Variants in TMEM266 observed in about 807,000 individuals in gnomAD.
TMEM266 encodes the protein Hv1 related protein 1.
In TMEM266, 33 loss-of-function variants were observed where a neutral mutation model predicts 50.5. The observed-to-expected ratio is 0.65, with a 90% CI of 0.50 to 0.87. The LOEUF is 0.87. Among genes scored for constraint, TMEM266 ranks in the 40% least tolerant of loss-of-function variants. TMEM266 has a pLI of 0.00. For missense variants in TMEM266, 655 were observed against 695.1 expected, an observed-to-expected ratio of 0.94 and a Z score of 0.65; for synonymous variants, 310 against 292.3, an observed-to-expected ratio of 1.06 and a Z score of -0.62.
chr15:76,106,009 A>C (rs2037073910), intron 1 of TMEM266, among the ~76,000 whole-genome samples: 1 of 152,164 alleles, frequency 6.6e-6, no homozygotes, highest in African/African-American at 2.4e-5. Context: ...TTCATGCTAA[A>C]CTGCCACCCT....
chr15:76,106,289 A>T (rs2037078905), intron 1 of TMEM266, among the ~76,000 whole-genome samples: 1 of 152,212 alleles, frequency 6.6e-6, no homozygotes, highest in Non-Finnish European at 1.5e-5. Flanking sequence ...TACCCGTGTC[A>T]TATTCACAAC....
rs776253667 is a variant in TMEM266 at position 76,203,977 on chromosome 15, T to G, written c.1258T>G (p.Ser420Ala). 3.7e-6 allele frequency: 6 copies of G among 1,610,124 alleles called. No individual in the cohort carries two copies. Residue 420 changes from serine to alanine, a missense_variant, in exon 11 of 11, where the codon TCT becomes GCT. Physicochemically the swap from Ser to Ala is moderately conservative, Grantham distance 99 (BLOSUM62 1). Coordinates refer to ENST00000388942, the MANE Select transcript of TMEM266 (RefSeq NM_152335.3). ...CAGCACTGCCCGCGAGGAGCCGTCCTCTGAGCCCGGCCCTTCTCCCCCGCC... is the reference window on the plus strand; with the variant it reads ...CAGCACTGCCCGCGAGGAGCCGTCCGCTGAGCCCGGCCCTTCTCCCCCGCC...
chr15:76,063,753 T>A (rs2036355173), intron 1 of TMEM266, among the ~76,000 whole-genome samples: 1 of 152,238 alleles, frequency 6.6e-6, no homozygotes. Flanking sequence ...GAAAAAAGAA[T>A]CAACAAATCA....
rs558121613 is a variant in TMEM266 at position 76,134,166 on chromosome 15, AG to A, written c.-95del. ...GTAATAAGTTCCTATTTTTGTTTTC[AG>A]GGCACTATATTTGTATGTGTCTTGT... is the stretch of plus-strand genomic sequence containing the variant. On this transcript the variant is annotated splice_acceptor_variant, in intron 1 of 10. Coordinates refer to ENST00000388942, the MANE Select transcript of TMEM266 (RefSeq NM_152335.3). LOFTEE classifies it low-confidence loss of function (5UTR_SPLICE). The A allele has an allele frequency of 6.9e-4, 935 of 1,356,126 alleles. 8 individuals are homozygous for A. In the African/African-American group the frequency reaches 0.012, roughly 18 times the overall value. The allele number at this position is 1,356,126 out of a possible 1,614,324, so 84.0% of individuals were successfully genotyped here.
chr15:76,121,332 A>G (rs928797513), intron 1 of TMEM266, among the ~76,000 whole-genome samples: 3 of 152,218 alleles, frequency 2.0e-5, no homozygotes, highest in African/African-American at 7.2e-5. Flanking sequence ...ATAATGTATC[A>G]GTGCTCTATT....
chr15:76,098,473 T>C (rs533759645), intron 1 of TMEM266, among the ~76,000 whole-genome samples: 29 of 152,218 alleles, frequency 1.9e-4, no homozygotes, highest in African/African-American at 7.0e-4. Context: ...GAGGGGCACC[T>C]GCCAGATGCC....
chr15:76,060,723 C>G (rs1022119014), intron 1 of TMEM266, among the ~76,000 whole-genome samples: 4 of 152,198 alleles, frequency 2.6e-5, no homozygotes, highest in African/African-American at 9.6e-5. Flanking sequence ...GACTTGCATA[C>G]TCAAACTCAT....
chr15:76,155,253 G>A (rs1469953601), intron 3 of TMEM266, among the ~76,000 whole-genome samples: 3 of 152,176 alleles, frequency 2.0e-5, no homozygotes, highest in Non-Finnish European at 2.9e-5. Context: ...CCTCAGCAAG[G>A]GAGGCAGGCA....
At chr15:76,140,905 C>T (rs552060672) in intron 3 of TMEM266, among the ~76,000 whole-genome samples, 24 of 151,630 alleles carry the variant, frequency 1.6e-4, no homozygotes, top group Non-Finnish European at 2.8e-4. Flanking sequence ...GGCATGGTGG[C>T]ACGCACCTGT....
chr15:76,160,271 G>C lies in TMEM266; in HGVS notation c.456+103G>C, dbSNP rs1159524233. On this transcript the variant is annotated intron_variant, in intron 5 of 10. Transcript: ENST00000388942. The surrounding 1 kb of genome is among the most constrained non-coding windows in gnomAD (Gnocchi z 5.7). Reference sequence around the variant, plus strand: ...AATGGTTTCTAGCATCAGGTCCCCTGCTAGCCCTTGAGGCTGCTGGGAGGG... The same window carrying C: ...AATGGTTTCTAGCATCAGGTCCCCTCCTAGCCCTTGAGGCTGCTGGGAGGG... 5 of 1,179,114 alleles carry C rather than the reference G, an allele frequency of 4.2e-6. No homozygotes were observed. The East Asian group carries it at 7.0e-5, about 17-fold the overall frequency. The allele number at this position is 1,179,114 out of a possible 1,614,324, so 73.0% of individuals were successfully genotyped here. A position where few individuals can be genotyped will look rare whatever the true frequency, so the allele number is the denominator to read the frequency against.
intron 1 of TMEM266, among the ~76,000 whole-genome samples, chr15:76,067,628 G>A (rs1329580480): frequency 8.8e-5 from 10 of 113,366 alleles, no homozygotes; most frequent in Admixed American, 2.9e-4. Flanking sequence ...GCAAGGCTGC[G>A]TCTCAAAAAA....
At chr15:76,092,526 C>G (rs2036862509) in intron 1 of TMEM266, among the ~76,000 whole-genome samples, 1 of 151,794 alleles carries the variant, frequency 6.6e-6, no homozygotes. Flanking sequence ...CCCGTATCTA[C>G]TAAAAATACA....
At chr15:76,087,749 G>A (rs1286125594) in intron 1 of TMEM266, among the ~76,000 whole-genome samples, 1 of 152,152 alleles carries the variant, frequency 6.6e-6, no homozygotes, top group African/African-American at 2.4e-5. Flanking sequence ...ACCTTAAAAT[G>A]TCACATCATA....
Position 76,160,488 on chromosome 15 carries a change from G to A in TMEM266, c.456+320G>A, listed in dbSNP as rs1247573127. ...GTGGCGTCGAGGGGCAGCCAGTGTTGGGTGCAGCCAGTAAGGAGCGGGCGG... is the reference window on the plus strand; with the variant it reads ...GTGGCGTCGAGGGGCAGCCAGTGTTAGGTGCAGCCAGTAAGGAGCGGGCGG... On this transcript the variant is annotated intron_variant, in intron 5 of 10. Transcript: ENST00000388942. This position sits in a 1 kb window ranked among gnomAD's most constrained non-coding sequence, Gnocchi z 5.7. Among the ~76,000 whole-genome samples the A allele has an allele frequency of 1.3e-5, 2 of 152,242 alleles. No individual in the cohort carries two copies. Among genetic ancestry groups the A allele is most frequent in the East Asian group, 3.8e-4 (2 of 5,198 alleles).
chr15:76,065,479 C>T lies in TMEM266; in HGVS notation c.-97+5463C>T, dbSNP rs116946420. Among the ~76,000 whole-genome samples, 687 of 152,214 alleles carry T rather than the reference C, an allele frequency of 4.5e-3. 5 individuals are homozygous for T. Among genetic ancestry groups the T allele is most frequent in the Non-Finnish European group, 8.1e-3 (551 of 68,014 alleles). The stretch of plus-strand genomic sequence containing the variant: ...TCGGCAGCTCCTTCCTAGCGGTGTC[C>T]GTGTCTATCTGGTCTCTCCTCTGCT... On this transcript the variant is annotated intron_variant, in intron 1 of 10. Transcript: ENST00000388942.
intron 3 of TMEM266, among the ~76,000 whole-genome samples, chr15:76,138,566 G>T (rs2037628251): frequency 6.6e-6 from 1 of 152,222 alleles, no homozygotes; most frequent in African/African-American, 2.4e-5. Flanking sequence ...GACTTGAGCT[G>T]CACTTTCCCT....
At chr15:76,081,416 A>G (rs915686449) in intron 1 of TMEM266, among the ~76,000 whole-genome samples, 1 of 152,214 alleles carries the variant, frequency 6.6e-6, no homozygotes, top group African/African-American at 2.4e-5. Context: ...CATTATGAAA[A>G]TTAAACCCAT....
At chr15:76,144,210 C>G (rs59798822) in intron 3 of TMEM266, among the ~76,000 whole-genome samples, 16,381 of 131,636 alleles carry the variant, frequency 0.12, 1,115 homozygotes, top group Admixed American at 0.24. Flanking sequence ...TAGACCTCAC[C>G]CACCCATTAC....
chr15:76,164,050 C>T (rs950449852), intron 5 of TMEM266, among the ~76,000 whole-genome samples: 1 of 152,196 alleles, frequency 6.6e-6, no homozygotes, highest in Admixed American at 6.5e-5. Context: ...CCCCCTGCCC[C>T]CTATACGGCC....
Sources: allele counts gnomAD v4.1 joint callset (sites outside exome capture counted in the v4.1 genomes callset), GRCh38; gene constraint gnomAD v4.1.1; non-coding constraint Gnocchi (gnomAD v3.1); transcripts MANE v1.5; gene names NCBI Gene and HGNC (gene_info 2026-07-23, HGNC 2026-07-21).